Variants in ASMTL observed in about 807,000 individuals in gnomAD.
The protein encoded by ASMTL is acetylserotonin O-methyltransferase like, also known as probable bifunctional dTTP/UTP pyrophosphatase/methyltransferase protein.
In ASMTL, 57 loss-of-function variants were observed where a neutral mutation model predicts 60.3. That is an observed-to-expected ratio of 0.95 (90% CI 0.76 to 1.18). ASMTL has a LOEUF of 1.18. Among genes scored for constraint, ASMTL ranks in the 50% most tolerant of loss-of-function variants. The probability of loss-of-function intolerance (pLI) is 0.00; values close to 1 mark genes in which losing one functional copy is unlikely to be tolerated. For synonymous variants in ASMTL, 419 were observed against 373.0 expected (o/e 1.12, Z -1.42); for missense variants, 981 against 852.6 (o/e 1.15, Z -1.88).
intron 10 of ASMTL, among the ~76,000 whole-genome samples, chrX:1,418,614 C>G (rs145476810): frequency 2.9e-4 from 44 of 152,132 alleles, no homozygotes; most frequent in Non-Finnish European, 4.9e-4. Flanking sequence ...TCCCAGGCCC[C>G]GATCCCCCAG....
chrX:1,407,042 GTAGA>G (rs61727396), intron 12 of ASMTL, among the ~76,000 whole-genome samples: 91,302 of 147,916 alleles, frequency 0.62, 28,275 homozygotes, highest in South Asian at 0.84. Flanking sequence ...TGATGGGTAG[GTAGA>G]TGGATGGATG....
At chrX:1,432,630 C>G (rs1232356199) in intron 5 of ASMTL, among the ~76,000 whole-genome samples, 6 of 151,858 alleles carry the variant, frequency 4.0e-5, no homozygotes, top group Non-Finnish European at 1.5e-5. Context: ...GAGTTCGAGA[C>G]CATCCTGGCT....
At chrX:1,416,714 G>C (rs368534774) in intron 11 of ASMTL, among the ~76,000 whole-genome samples, 3,624 of 147,190 alleles carry the variant, frequency 0.025, 149 homozygotes, top group African/African-American at 0.086. Context: ...TCTTACGCAC[G>C]CACACACAAG....
At chrX:1,453,449 A>T (rs866464483), upstream of ASMTL, among the ~76,000 whole-genome samples, 2 of 125,956 alleles carry the variant, frequency 1.6e-5, no homozygotes, top group Non-Finnish European at 3.4e-5. Context: ...GCCCCTCCCC[A>T]CCCCGCCTGC....
At chrX:1,443,127 C>T (rs1168785501) in intron 1 of ASMTL, among the ~76,000 whole-genome samples, 3 of 151,686 alleles carry the variant, frequency 2.0e-5, no homozygotes, top group Admixed American at 6.6e-5. Flanking sequence ...CACACACCGC[C>T]GTCGTGGACA....
chrX:1,452,907 C>A lies in ASMTL; in HGVS notation c.-67G>T. The A allele has an allele frequency of 3.1e-6, 4 of 1,300,028 alleles. No individual in the cohort carries two copies. Among genetic ancestry groups the A allele is most frequent in the Non-Finnish European group, 4.1e-6 (4 of 974,284 alleles). The allele number at this position is 1,300,028 out of a possible 1,614,324, so 80.5% of individuals were successfully genotyped here. ...GGAGCCCGCGGTGCGCGCAGCGCGGCTGCAAAAAAAACAGGCGGCCAGAGT... is the reference window on the plus strand; with the variant it reads ...GGAGCCCGCGGTGCGCGCAGCGCGGATGCAAAAAAAACAGGCGGCCAGAGT... On this transcript the variant is annotated 5_prime_UTR_variant, in exon 1 of 13. Coordinates refer to ENST00000381317, the MANE Select transcript of ASMTL (RefSeq NM_004192.4).
intron 1 of ASMTL, among the ~76,000 whole-genome samples, chrX:1,444,873 G>T (rs1178943564): frequency 6.6e-6 from 1 of 152,086 alleles, no homozygotes; most frequent in Non-Finnish European, 1.5e-5. Context: ...GGACTTAGAG[G>T]CTCAAGCTGG....
At chrX:1,406,632 A>G (rs1414696044) in intron 12 of ASMTL, among the ~76,000 whole-genome samples, 131 of 151,316 alleles carry the variant, frequency 8.7e-4, no homozygotes, top group Non-Finnish European at 1.5e-3. Flanking sequence ...GGATGCATGG[A>G]TGTGATGGAT....
intron 11 of ASMTL, chrX:1,413,231 G>A (rs2090104684): frequency 2.0e-5 from 4 of 197,984 alleles, no homozygotes; most frequent in East Asian, 2.3e-4. Flanking sequence ...CAGGGGTGGC[G>A]GGCGCCTGTC....
At position 1,429,220 on chromosome X, in the gene ASMTL, A is replaced by G. The variant is rs779444989; in HGVS notation, c.510-1099T>C. Among the ~76,000 whole-genome samples, 20 of 131,236 alleles carry G rather than the reference A, an allele frequency of 1.5e-4. No individual in the cohort carries two copies. The South Asian group carries it at 4.8e-3, about 32-fold the overall frequency. The allele number at this position is 131,236 out of a possible 152,430, so 86.1% of individuals were successfully genotyped here. On this transcript the variant is annotated intron_variant, in intron 6 of 12. Coordinates refer to ENST00000381317, the MANE Select transcript of ASMTL (RefSeq NM_004192.4). ...CTCTTTTCTCTTTCTTATTTTATCT[A>G]TTTTTTTTTTTCAAGACAGGGTCTC...
chrX:1,424,437 C>T (rs1603451059), intron 8 of ASMTL, among the ~76,000 whole-genome samples: 1 of 150,516 alleles, frequency 6.6e-6, no homozygotes, highest in African/African-American at 2.4e-5. Flanking sequence ...TCCACCCAGC[C>T]GTGCACCCAT....
At chrX:1,404,782 TG>T (rs1304491205) in intron 12 of ASMTL, among the ~76,000 whole-genome samples, 1 of 150,816 alleles carries the variant, frequency 6.6e-6, no homozygotes, top group African/African-American at 2.5e-5. Flanking sequence ...GATGAATGGA[TG>T]GATATATGGA....
intron 9 of ASMTL, among the ~76,000 whole-genome samples, chrX:1,419,939 T>A (rs1332736002): frequency 1.4e-4 from 21 of 152,238 alleles, no homozygotes; most frequent in African/African-American, 4.8e-4. Context: ...TTGGTCTCTG[T>A]CTGTCTGTCT....
intron 8 of ASMTL, 143 bp from the exon 9 acceptor site, chrX:1,421,985 A>G: frequency 1.3e-6 from 1 of 746,504 alleles, no homozygotes; most frequent in Non-Finnish European, 2.3e-6. Context: ...ACCTGACCAT[A>G]GGGGATGCAT....
rs1462679736 is a variant in ASMTL, at chrX:1,442,299, C to G, written c.112G>C (p.Val38Leu). The G allele has an allele frequency of 1.2e-6, 2 of 1,613,828 alleles. No individual in the cohort carries two copies. The highest frequency in any genetic ancestry group is 3.3e-5 in the Admixed American group (2 of 59,994). The change falls in exon 2 of 13, where the codon GTC (valine) becomes CTC (leucine). Residue 38 changes from valine (V) to leucine (L), a missense_variant. Transcript: ENST00000381317. ...LSNAGLRFEV[V>L]PSKFKEKLDK... ...AGCTTCTCTTTAAACTTGGAGGGGACCACCTCAAACCTGAGACCCTGCAAC... is the reference window on the plus strand; with the variant it reads ...AGCTTCTCTTTAAACTTGGAGGGGAGCACCTCAAACCTGAGACCCTGCAAC...
In ASMTL at chrX:1,405,352, G is replaced by T. The variant is rs182949942; in HGVS notation, c.1646-1863C>A. ...ATCGTTAGGTGGATGGATAGATGGA[G>T]GCATGGATGAGATGGATGGATGGGT... On this transcript the variant is annotated intron_variant, in intron 12 of 12. Coordinates refer to ENST00000381317, the MANE Select transcript of ASMTL (RefSeq NM_004192.4). 2.8e-3 allele frequency among the ~76,000 whole-genome samples: 412 copies of T among 147,380 alleles called. 1 individual carries two copies. The highest frequency in any genetic ancestry group is 0.01 in the African/African-American group (400 of 39,670).
At chrX:1,431,850 C>G in intron 6 of ASMTL, 1 of 195,098 alleles carries the variant, frequency 5.1e-6, no homozygotes, top group Non-Finnish European at 1.1e-5. Context: ...ACGCATACTT[C>G]CCGTGCTCAC....
chrX:1,453,273 C>G (rs1466897725), upstream of ASMTL, among the ~76,000 whole-genome samples: 4 of 150,274 alleles, frequency 2.7e-5, no homozygotes, highest in Admixed American at 2.6e-4. Flanking sequence ...TCCTTGCCCT[C>G]TCCGCCAGGC....
At chrX:1,445,646 C>T (rs1373095862) in intron 1 of ASMTL, among the ~76,000 whole-genome samples, 5 of 151,862 alleles carry the variant, frequency 3.3e-5, no homozygotes, top group African/African-American at 7.3e-5. Context: ...GGCAAGAGAC[C>T]GAGGACACGA....
Sources: gnomAD v4.1 joint callset for allele counts (sites outside exome capture counted in the v4.1 genomes callset) on GRCh38, gnomAD v4.1.1 for gene constraint, MANE v1.5 for transcripts, NCBI Gene and HGNC (gene_info 2026-07-23, HGNC 2026-07-21) for gene names.